The following DCDC2C variants were observed in gnomAD, a reference collection of about 807,000 sequenced individuals.
The protein encoded by DCDC2C is doublecortin domain-containing protein 2C.
A neutral mutation model predicts 45.0 loss-of-function variants in DCDC2C; 44 were observed. The ratio of observed to expected loss-of-function variants is 0.98; its 90% confidence interval spans 0.77 to 1.26. The LOEUF (loss-of-function observed/expected upper bound fraction) is 1.26. Ranked by LOEUF, DCDC2C falls within the 50% of genes most tolerant of loss-of-function variation. The pLI is 0.00. For missense variants in DCDC2C, 447 were observed against 468.9 expected (o/e 0.95, Z 0.43); for synonymous variants, 187 against 178.8 (o/e 1.05, Z -0.37).
At chr2:3,727,204 C>T (rs1187681678) in intron 3 of DCDC2C, 125 bp downstream of exon 3, 2 of 703,878 alleles carry the variant, frequency 2.8e-6, no homozygotes, top group African/African-American at 1.8e-5. Flanking sequence ...TCCCCCTGCT[C>T]TCTTGTGCTC....
chr2:3,840,246 T>C (rs1672180996), intron 10 of DCDC2C, among the ~76,000 whole-genome samples: 1 of 152,246 alleles, frequency 6.6e-6, no homozygotes, highest in Non-Finnish European at 1.5e-5. Flanking sequence ...ATTTGCTGGT[T>C]GTTTTGCAGA....
At chr2:3,764,331 G>T (rs1669961246) in intron 6 of DCDC2C, among the ~76,000 whole-genome samples, 1 of 152,190 alleles carries the variant, frequency 6.6e-6, no homozygotes, top group Non-Finnish European at 1.5e-5. Context: ...TTAACATTTT[G>T]TTGCTTTCTT....
intron 10 of DCDC2C, among the ~76,000 whole-genome samples, chr2:3,786,727 C>A (rs1233219852): frequency 6.6e-6 from 1 of 151,568 alleles, no homozygotes; most frequent in Non-Finnish European, 1.5e-5. Context: ...CGGAGCCTCT[C>A]GTGTGGATGT....
At chr2:3,801,790 C>T (rs1253427394) in intron 10 of DCDC2C, among the ~76,000 whole-genome samples, 1 of 152,260 alleles carries the variant, frequency 6.6e-6, no homozygotes, top group Non-Finnish European at 1.5e-5. Context: ...TGACCCAGCT[C>T]TGCTCAGTGC....
intron 2 of DCDC2C, among the ~76,000 whole-genome samples, chr2:3,710,036 A>C (rs1255363423): frequency 6.6e-6 from 1 of 152,164 alleles, no homozygotes; most frequent in Non-Finnish European, 1.5e-5. Flanking sequence ...AGAGTTTAAA[A>C]AATTTTTATT....
In DCDC2C at chr2:3,785,100, G is replaced by A; in HGVS notation, c.1065G>A (p.Lys355=). The A allele has an allele frequency of 8.1e-7, 1 of 1,231,674 alleles. No individual in the cohort carries two copies. Among genetic ancestry groups the A allele is most frequent in the Non-Finnish European group, 1.0e-6 (1 of 987,952 alleles). 76.3% of individuals were successfully genotyped at this position (1,231,674 alleles called of 1,614,324 possible). A position where few individuals can be genotyped will look rare whatever the true frequency, so the allele number is the denominator to read the frequency against. Reference sequence around the variant, plus strand: ...GGCTTTGTGAAGACGTTGAAAGAAAGGTTTGTATCAACAACAAATGCTGTA... The same window carrying A: ...GGCTTTGTGAAGACGTTGAAAGAAAAGTTTGTATCAACAACAAATGCTGTA... The part of the protein sequence containing the change: ...DARLCEDVER[K]MAREWKPVD Residue 355 remains lysine (K), a splice_region_variant and synonymous_variant, in exon 10 of 11, where the codon AAG becomes AAA. Coordinates refer to ENST00000399143, the MANE Select transcript of DCDC2C (RefSeq NM_001287444.2).
At chr2:3,743,746 A>G (rs2148111646) in intron 4 of DCDC2C, among the ~76,000 whole-genome samples, 1 of 152,348 alleles carries the variant, frequency 6.6e-6, no homozygotes, top group South Asian at 2.1e-4. Context: ...CAGCAAAACC[A>G]GTTCTAAGAG....
chr2:3,776,197 C>A (rs1177470708), intron 8 of DCDC2C, among the ~76,000 whole-genome samples: 1 of 152,228 alleles, frequency 6.6e-6, no homozygotes, highest in Non-Finnish European at 1.5e-5. Flanking sequence ...TAGCTTCTCT[C>A]ATGCCCGAGT....
intron 10 of DCDC2C, among the ~76,000 whole-genome samples, chr2:3,788,737 G>A (rs942794626): frequency 3.3e-5 from 5 of 152,088 alleles, no homozygotes; most frequent in African/African-American, 1.2e-4. Context: ...TTCACAGCCT[G>A]TTAACGTCCT....
At chr2:3,718,500 GT>G (rs1460952439) in intron 2 of DCDC2C, among the ~76,000 whole-genome samples, 1 of 152,170 alleles carries the variant, frequency 6.6e-6, no homozygotes, top group African/African-American at 2.4e-5. Context: ...TGAGATTCAC[GT>G]GGCCAGACCC....
intron 10 of DCDC2C, among the ~76,000 whole-genome samples, chr2:3,828,312 A>G (rs1288903602): frequency 6.6e-6 from 1 of 152,152 alleles, no homozygotes; most frequent in Non-Finnish European, 1.5e-5. Flanking sequence ...CTTCCTACCT[A>G]CACTCCATGG....
Position 3,748,786 on chromosome 2 carries a change from T to C in DCDC2C, c.546-3977T>C, listed in dbSNP as rs556388147. 2.6e-5 allele frequency among the ~76,000 whole-genome samples: 4 copies of C among 152,254 alleles called. No individual in the cohort carries two copies. In the South Asian group the frequency reaches 8.3e-4, roughly 32 times the overall value. ...CCTTGGACTATGGTTATTTGTGGAC[T>C]TGTCATCTCTCCTCTAGTATATTTT... On this transcript the variant is annotated intron_variant, in intron 4 of 10. Transcript: ENST00000399143.
At chr2:3,810,073 T>C (rs1671356053) in intron 10 of DCDC2C, among the ~76,000 whole-genome samples, 1 of 152,248 alleles carries the variant, frequency 6.6e-6, no homozygotes, top group South Asian at 2.1e-4. Context: ...TGTTTCTTTA[T>C]AGTAGAATGA....
chr2:3,806,290 G>A (rs1671241289), intron 10 of DCDC2C, among the ~76,000 whole-genome samples: 1 of 152,242 alleles, frequency 6.6e-6, no homozygotes, highest in African/African-American at 2.4e-5. Flanking sequence ...GCTTTCTGCA[G>A]TGTTTTGGTC....
intron 10 of DCDC2C, among the ~76,000 whole-genome samples, chr2:3,799,622 T>C (rs552530211): frequency 5.3e-4 from 80 of 151,990 alleles, no homozygotes; most frequent in African/African-American, 1.3e-3. Context: ...TTGGAGTACC[T>C]GGCCATGTGA....
At chr2:3,825,441 G>C (rs956177505) in intron 10 of DCDC2C, among the ~76,000 whole-genome samples, 8 of 152,168 alleles carry the variant, frequency 5.3e-5, no homozygotes, top group African/African-American at 1.9e-4. Context: ...GTTCAAGAGG[G>C]TTATAATTTT....
At chr2:3,743,086 G>C (rs773436668) in intron 4 of DCDC2C, among the ~76,000 whole-genome samples, 1 of 152,210 alleles carries the variant, frequency 6.6e-6, no homozygotes, top group African/African-American at 2.4e-5. Context: ...GAAACCAAAA[G>C]AGAACAGGGG....
chr2:3,722,524 C>T (rs914985374), intron 2 of DCDC2C, among the ~76,000 whole-genome samples: 1 of 152,176 alleles, frequency 6.6e-6, no homozygotes, highest in African/African-American at 2.4e-5. Context: ...CATCTTGAGT[C>T]TTCCGTCTTT....
intron 1 of DCDC2C, among the ~76,000 whole-genome samples, chr2:3,705,790 A>G (rs930423682): frequency 2.6e-5 from 4 of 151,912 alleles, no homozygotes; most frequent in Non-Finnish European, 5.9e-5. Flanking sequence ...AAAAATATTG[A>G]GAAAAAATTG....
Sources: gnomAD v4.1 joint callset for allele counts (sites outside exome capture counted in the v4.1 genomes callset) on GRCh38, gnomAD v4.1.1 for gene constraint, MANE v1.5 for transcripts, NCBI Gene and HGNC (gene_info 2026-07-23, HGNC 2026-07-21) for gene names.